Variants in DCAF6 observed in about 807,000 individuals in gnomAD.
DCAF6 encodes DDB1 and CUL4 associated factor 6.
Under a neutral mutation model 125.1 loss-of-function variants are expected in DCAF6, and 54 were observed. The observed-to-expected ratio is 0.43, with a 90% CI of 0.35 to 0.54. The LOEUF (loss-of-function observed/expected upper bound fraction) is 0.54. Among genes scored for constraint, DCAF6 ranks in the 20% least tolerant of loss-of-function variants. The pLI is 0.01. For missense variants in DCAF6, 934 were observed against 1,161.7 expected, an observed-to-expected ratio of 0.80 and a Z score of 2.85; for synonymous variants, 371 against 390.4, an observed-to-expected ratio of 0.95 and a Z score of 0.58.
intron 6 of DCAF6, among the ~76,000 whole-genome samples, chr1:167,993,001 A>T (rs1681087386): frequency 6.6e-6 from 1 of 152,188 alleles, no homozygotes; most frequent in East Asian, 1.9e-4. Flanking sequence ...GGAATTCTAG[A>T]CAATCATGAA....
chr1:168,011,825 T>C (rs767421631), intron 10 of DCAF6, among the ~76,000 whole-genome samples: 6 of 151,880 alleles, frequency 4.0e-5, no homozygotes, highest in Admixed American at 3.9e-4. Flanking sequence ...CAAAATAAAT[T>C]TGTTGTGCGT....
At chr1:167,897,517 G>GTATATA in the DCAF6 span, among the ~76,000 whole-genome samples, 6 of 69,004 alleles carry the variant, frequency 8.7e-5, no homozygotes, top group African/African-American at 2.1e-4. Flanking sequence ...ATATATATAT[G>GTATATA]TATATATATA....
intron 2 of DCAF6, among the ~76,000 whole-genome samples, chr1:167,952,095 T>C (rs867792289): frequency 6.6e-6 from 1 of 152,256 alleles, no homozygotes; most frequent in Admixed American, 6.5e-5. Flanking sequence ...TTCACTGTAC[T>C]GAAACTGCTT....
At chr1:167,903,689 T>A in the DCAF6 span, among the ~76,000 whole-genome samples, 4 of 152,170 alleles carry the variant, frequency 2.6e-5, no homozygotes, top group East Asian at 3.8e-4. Flanking sequence ...CCTCAAATAG[T>A]CTGTATTAGT....
chr1:167,919,483 T>C, the DCAF6 span, among the ~76,000 whole-genome samples: 1 of 152,212 alleles, frequency 6.6e-6, no homozygotes, highest in African/African-American at 2.4e-5. Flanking sequence ...GTAAATAGTT[T>C]AAAAATTTCC....
At chr1:168,058,639 G>A (rs1691200935) in intron 17 of DCAF6, among the ~76,000 whole-genome samples, 1 of 152,158 alleles carries the variant, frequency 6.6e-6, no homozygotes, top group Admixed American at 6.5e-5. Flanking sequence ...CACGATCTCA[G>A]TTCACTGGAA....
chr1:167,870,126 C>G, the DCAF6 span: 1 of 1,033,888 alleles, frequency 9.7e-7, no homozygotes, highest in African/African-American at 1.6e-5. Context: ...CTATTTAGCA[C>G]AAGGGTCATG....
intron 7 of DCAF6, among the ~76,000 whole-genome samples, chr1:167,998,981 G>C (rs1682191690): frequency 6.6e-6 from 1 of 152,004 alleles, no homozygotes; most frequent in Non-Finnish European, 1.5e-5. Context: ...ATCCTTTCTA[G>C]GTTTTCAGTT....
chr1:167,879,147 C>G, the DCAF6 span, among the ~76,000 whole-genome samples: 1 of 152,190 alleles, frequency 6.6e-6, no homozygotes, highest in Non-Finnish European at 1.5e-5. Context: ...GCAGACTGTG[C>G]AGGGTTGAAC....
At chr1:167,865,755 A>G in the DCAF6 span, among the ~76,000 whole-genome samples, 1 of 152,250 alleles carries the variant, frequency 6.6e-6, no homozygotes, top group African/African-American at 2.4e-5. Flanking sequence ...AAATGGATCA[A>G]ATATTCCATC....
chr1:167,876,957 T>C, the DCAF6 span, among the ~76,000 whole-genome samples: 1 of 152,142 alleles, frequency 6.6e-6, no homozygotes, highest in African/African-American at 2.4e-5. Flanking sequence ...TTATCCCAAC[T>C]GAGGCCGCCA....
chr1:167,903,910 T>C, the DCAF6 span: 13 of 1,612,356 alleles, frequency 8.1e-6, no homozygotes, highest in Non-Finnish European at 1.1e-5. Flanking sequence ...ACTTATGTGG[T>C]AGTTGAGGAT....
At chr1:167,954,138 C>G (rs1674397481) in intron 2 of DCAF6, among the ~76,000 whole-genome samples, 1 of 152,024 alleles carries the variant, frequency 6.6e-6, no homozygotes, top group Admixed American at 6.5e-5. Context: ...TCCTGAGAAG[C>G]TGAGATTACA....
At chr1:167,962,908 A>G (rs1557897684) in intron 2 of DCAF6, among the ~76,000 whole-genome samples, 1 of 151,886 alleles carries the variant, frequency 6.6e-6, no homozygotes, top group Admixed American at 6.6e-5. Context: ...GTAAGCGGAG[A>G]TAGCACCACT....
intron 12 of DCAF6, among the ~76,000 whole-genome samples, chr1:168,027,344 A>G (rs1325302114): frequency 6.6e-6 from 1 of 152,146 alleles, no homozygotes; most frequent in African/African-American, 2.4e-5. Flanking sequence ...TGTGTTCAAG[A>G]TGTAAGGGAT....
intron 1 of DCAF6, among the ~76,000 whole-genome samples, chr1:167,948,345 AAT>A (rs749594782): frequency 7.9e-5 from 12 of 152,184 alleles, no homozygotes; most frequent in Non-Finnish European, 1.5e-4. Context: ...AGGATGAAAT[AAT>A]TTTGTGTTTT....
At chr1:168,003,026 G>A (rs180849590) in intron 8 of DCAF6, among the ~76,000 whole-genome samples, 35 of 152,126 alleles carry the variant, frequency 2.3e-4, no homozygotes, top group African/African-American at 8.4e-4. Context: ...CTTGAAAATA[G>A]AATTAATCTA....
At chr1:167,883,294 T>A in the DCAF6 span, 11 of 879,226 alleles carry the variant, frequency 1.3e-5, no homozygotes, top group Non-Finnish European at 1.9e-5. Flanking sequence ...CACCTCTGCC[T>A]CCCAAAGAGC....
At chr1:167,918,404 C>T in the DCAF6 span, 114,889 of 1,253,848 alleles carry the variant, frequency 0.092, 6,626 homozygotes, top group African/African-American at 0.23. Context: ...TAATAATAGA[C>T]AAATTTATGG....
Sources: gnomAD v4.1 joint callset for allele counts (sites outside exome capture counted in the v4.1 genomes callset) on GRCh38, gnomAD v4.1.1 for gene constraint, MANE v1.5 for transcripts, NCBI Gene and HGNC (gene_info 2026-07-23, HGNC 2026-07-21) for gene names.